The following NARS2 variants were observed in gnomAD, a reference collection of about 807,000 sequenced individuals.
NARS2 encodes the protein asparaginyl-tRNA synthetase.
Under a neutral mutation model 62.9 loss-of-function variants are expected in NARS2, and 60 were observed. The ratio of observed to expected loss-of-function variants is 0.95; its 90% confidence interval spans 0.77 to 1.18. The LOEUF (loss-of-function observed/expected upper bound fraction) is 1.18, where lower values mean the gene tolerates loss of function less well. NARS2 is among the 50% of genes most tolerant of loss of function. The probability of loss-of-function intolerance (pLI) is 0.00; values close to 1 mark genes in which losing one functional copy is unlikely to be tolerated. For missense variants in NARS2, 619 were observed against 576.4 expected, an observed-to-expected ratio of 1.07 and a Z score of -0.76; for synonymous variants, 196 against 200.0, an observed-to-expected ratio of 0.98 and a Z score of 0.17.
chr11:78,564,105 G>A lies in NARS2; in HGVS notation c.513+2027C>T, dbSNP rs566240743. 1.8e-3 allele frequency among the ~76,000 whole-genome samples: 269 copies of A among 151,752 alleles called. 2 individuals are homozygous for A. Among genetic ancestry groups the A allele is most frequent in the South Asian group, 3.1e-3 (15 of 4,794 alleles). ...AGTAAAGACAGGGTTTCACCGTGTT[G>A]CCAGGGCTGGTCTTGAACTCCTGAA... On this transcript the variant is annotated intron_variant, in intron 4 of 13. Transcript: ENST00000281038.
chr11:78,532,149 T>C (rs1057220136), intron 5 of NARS2, among the ~76,000 whole-genome samples: 5 of 152,204 alleles, frequency 3.3e-5, no homozygotes, highest in South Asian at 2.1e-4. Context: ...TACGTACTTA[T>C]GGTAGTGATA....
At chr11:78,491,190 C>T (rs946892294) in intron 7 of NARS2, among the ~76,000 whole-genome samples, 6 of 152,162 alleles carry the variant, frequency 3.9e-5, no homozygotes, top group Non-Finnish European at 5.9e-5. Flanking sequence ...AGCTAATTAC[C>T]GGGGAGAAGG....
chr11:78,474,236 T>TA (rs1288909522), intron 9 of NARS2, among the ~76,000 whole-genome samples: 1 of 152,238 alleles, frequency 6.6e-6, no homozygotes, highest in Non-Finnish European at 1.5e-5. Flanking sequence ...AGTATTTTTT[T>TA]ATAGATGAGG....
intron 11 of NARS2, among the ~76,000 whole-genome samples, chr11:78,455,789 G>C (rs1858138449): frequency 1.3e-5 from 2 of 151,898 alleles, no homozygotes; most frequent in Admixed American, 1.3e-4. Flanking sequence ...ATACCTGCTA[G>C]CGGTGTGATT....
chr11:78,437,753 G>C (rs1315875645), intron 13 of NARS2, among the ~76,000 whole-genome samples: 1 of 152,066 alleles, frequency 6.6e-6, no homozygotes, highest in African/African-American at 2.4e-5. Context: ...GAGGTGGGCG[G>C]ATCACTAGCT....
At chr11:78,552,793 G>C (rs1256516636) in intron 5 of NARS2, among the ~76,000 whole-genome samples, 1 of 152,080 alleles carries the variant, frequency 6.6e-6, no homozygotes, top group Non-Finnish European at 1.5e-5. Context: ...ATAAAACCAA[G>C]CTGCACTCGG....
intron 6 of NARS2, among the ~76,000 whole-genome samples, chr11:78,525,736 G>T (rs1259077414): frequency 6.6e-6 from 1 of 151,944 alleles, no homozygotes; most frequent in Non-Finnish European, 1.5e-5. Context: ...AAAAATTAGA[G>T]TAAGAAAAGG....
intron 2 of NARS2, 33 bp downstream of exon 2, chr11:78,571,302 A>G: frequency 1.4e-6 from 2 of 1,453,688 alleles, no homozygotes; most frequent in Non-Finnish European, 1.9e-6. Flanking sequence ...GAAAAACAAA[A>G]ATCAAAGAAT....
chr11:78,448,388 C>T (rs1857838989), intron 11 of NARS2, among the ~76,000 whole-genome samples: 1 of 149,836 alleles, frequency 6.7e-6, no homozygotes, highest in Admixed American at 6.7e-5. Context: ...GCGATCTTGG[C>T]TCACTGCAAC....
rs545916510 is a variant in NARS2, at chr11:78,516,173, A to G, written c.689+12669T>C. On this transcript the variant is annotated intron_variant, in intron 6 of 13. Coordinates refer to ENST00000281038, the MANE Select transcript of NARS2 (RefSeq NM_024678.6). ...GTGGCTAAATAGAATTTATTCAAGT[A>G]TAATATATCAAACATGACATAAAAG... 2.0e-5 allele frequency among the ~76,000 whole-genome samples: 3 copies of G among 152,378 alleles called. No homozygotes were observed. The East Asian group carries it at 5.8e-4, about 29-fold the overall frequency.
intron 7 of NARS2, among the ~76,000 whole-genome samples, chr11:78,486,365 G>A (rs1859574974): frequency 6.6e-6 from 1 of 152,108 alleles, no homozygotes; most frequent in Admixed American, 6.6e-5. Flanking sequence ...CTCTAATTGT[G>A]TATGAAGTAA....
intron 6 of NARS2, among the ~76,000 whole-genome samples, chr11:78,515,420 G>A (rs961658368): frequency 7.2e-5 from 11 of 152,126 alleles, no homozygotes; most frequent in African/African-American, 2.7e-4. Flanking sequence ...ACTGCTAACG[G>A]GTTTGGAGTT....
intron 6 of NARS2, among the ~76,000 whole-genome samples, chr11:78,497,127 T>C (rs1860090508): frequency 6.7e-6 from 1 of 150,268 alleles, no homozygotes; most frequent in African/African-American, 2.5e-5. Flanking sequence ...AGGAAAGCTA[T>C]ATAAGGAAAA....
intron 9 of NARS2, among the ~76,000 whole-genome samples, chr11:78,474,676 G>T (rs1016394164): frequency 5.9e-5 from 9 of 152,142 alleles, no homozygotes; most frequent in African/African-American, 2.2e-4. Context: ...TCCTGTTAAA[G>T]GCACTGGGCT....
chr11:78,531,568 A>G (rs890592965), intron 5 of NARS2, among the ~76,000 whole-genome samples: 44 of 152,322 alleles, frequency 2.9e-4, no homozygotes, highest in African/African-American at 1.1e-3. Flanking sequence ...ACTGTTCAAA[A>G]TAGCACCATT....
intron 5 of NARS2, among the ~76,000 whole-genome samples, chr11:78,538,169 T>A (rs1454829107): frequency 6.6e-6 from 1 of 152,166 alleles, no homozygotes; most frequent in Non-Finnish European, 1.5e-5. Flanking sequence ...GATGTCACAC[T>A]GCCTACGTTG....
At chr11:78,549,689 C>G (rs950322660) in intron 5 of NARS2, among the ~76,000 whole-genome samples, 3 of 152,172 alleles carry the variant, frequency 2.0e-5, no homozygotes, top group Non-Finnish European at 4.4e-5. Context: ...ACTTTGAAAA[C>G]AATAGCACAA....
Position 78,481,813 on chromosome 11 carries a change from T to A in NARS2, c.823-3130A>T, listed in dbSNP as rs112083647. 8.9e-3 allele frequency among the ~76,000 whole-genome samples: 1,355 copies of A among 152,280 alleles called. 14 individuals carry two copies. The highest frequency in any genetic ancestry group is 0.013 in the Non-Finnish European group (893 of 68,018). On this transcript the variant is annotated intron_variant, in intron 7 of 13. Transcript: ENST00000281038. ...ATGCTAATTTCCAAGGAAAGTAATT[T>A]GTAAAAGGAAGAAAATTAAGAGACG...
At chr11:78,523,232 A>G (rs1056538687) in intron 6 of NARS2, among the ~76,000 whole-genome samples, 3 of 152,208 alleles carry the variant, frequency 2.0e-5, no homozygotes, top group Non-Finnish European at 4.4e-5. Context: ...AAAACCCATC[A>G]TTAGTAGTCA....
Sources: allele counts gnomAD v4.1 joint callset (sites outside exome capture counted in the v4.1 genomes callset), GRCh38; gene constraint gnomAD v4.1.1; transcripts MANE v1.5; gene names NCBI Gene and HGNC (gene_info 2026-07-23, HGNC 2026-07-21).